Variants in CBLN2 observed in about 807,000 individuals in gnomAD.
The protein encoded by CBLN2 is cerebellin 2 precursor.
A neutral mutation model predicts 15.0 loss-of-function variants in CBLN2; 7 were observed. The ratio of observed to expected loss-of-function variants is 0.47; its 90% CI spans 0.27 to 0.88. The LOEUF is 0.88. CBLN2 is among the 40% of genes least tolerant of loss of function. The probability of loss-of-function intolerance (pLI) is 0.14; values close to 1 mark genes in which losing one functional copy is unlikely to be tolerated. For synonymous variants in CBLN2, 149 were observed against 135.2 expected, an observed-to-expected ratio of 1.10 and a Z score of -0.71; for missense variants, 242 against 304.5, an observed-to-expected ratio of 0.79 and a Z score of 1.53.
chr18:72,546,426 C>A (rs1233057078), upstream of CBLN2, among the ~76,000 whole-genome samples: 1 of 149,548 alleles, frequency 6.7e-6, no homozygotes, highest in Non-Finnish European at 1.5e-5. Context: ...GGTGACAGAG[C>A]GAGACGCTCT....
intron 1 of CBLN2, among the ~76,000 whole-genome samples, chr18:72,604,706 TAAGAAG>T (rs150975201): frequency 6.6e-6 from 1 of 152,204 alleles, no homozygotes; most frequent in African/African-American, 2.4e-5. Flanking sequence ...GGTGGCTTTA[TAAGAAG>T]AAGAAGATGA....
At position 72,542,135 on chromosome 18, in the gene CBLN2, A is replaced by C; in HGVS notation, c.26T>G (p.Leu9Arg). ...CCCGGGCATCATCAGCCGCAGCCCG[A>C]GTGGCCCCCGGCCGGGCGCCTGCAT... MQAPGRGP[L>R]GLRLMMPGRR... Residue 9 changes from leucine to arginine, a missense_variant, in exon 3 of 5, where the codon CTC (leucine) becomes CGC (arginine). By Grantham distance (102) the Leu-to-Arg change is moderately radical. This residue lies in a region of CBLN2 where 96 missense variants were observed against 83.8 expected (regional missense o/e 1.15). Transcript: ENST00000269503. 1 of 1,346,752 alleles carries C rather than the reference A, an allele frequency of 7.4e-7. No individual in the cohort carries two copies. Among genetic ancestry groups the C allele is most frequent in the Non-Finnish European group, 9.4e-7 (1 of 1,058,436 alleles). The allele number at this position is 1,346,752 out of a possible 1,614,324, so 83.4% of individuals were successfully genotyped here. A position where few individuals can be genotyped will look rare whatever the true frequency, so the allele number is the denominator to read the frequency against.
At chr18:72,621,569 A>G (rs1286177046) in intron 1 of CBLN2, among the ~76,000 whole-genome samples, 2 of 152,158 alleles carry the variant, frequency 1.3e-5, no homozygotes, top group East Asian at 1.9e-4. Flanking sequence ...TTGCCTATTC[A>G]ATTATTTTTT....
At chr18:72,599,375 T>G (rs1048462654) in intron 1 of CBLN2, among the ~76,000 whole-genome samples, 2 of 152,200 alleles carry the variant, frequency 1.3e-5, no homozygotes, top group Non-Finnish European at 2.9e-5. Context: ...CAAAAATGGA[T>G]GTACCCATAT....
rs577216776 is a variant in CBLN2, at chr18:72,611,852, C to G, written c.15+26473G>C. On this transcript the variant is annotated intron_variant, in intron 1 of 2. Transcript: ENST00000581073. ...TCTAGAATGTCTCCTAGGTTTTCTT[C>G]TAGAATTCTTATAATTTGAGGTCTC... is the stretch of plus-strand genomic sequence containing the variant. Among the ~76,000 whole-genome samples the G allele has an allele frequency of 5.9e-5, 9 of 152,232 alleles. No individual in the cohort carries two copies. In the South Asian group the frequency reaches 1.9e-3, roughly 32 times the overall value.
chr18:72,595,237 C>G (rs2069505490), intron 1 of CBLN2, among the ~76,000 whole-genome samples: 1 of 151,878 alleles, frequency 6.6e-6, no homozygotes, highest in African/African-American at 2.4e-5. Flanking sequence ...TTTCCATTTT[C>G]ATTTATTCCA....
At chr18:72,570,175 C>T (rs1045735547) in intron 1 of CBLN2, among the ~76,000 whole-genome samples, 1 of 151,940 alleles carries the variant, frequency 6.6e-6, no homozygotes, top group African/African-American at 2.4e-5. Context: ...CTGATCGATA[C>T]TTAACCTTAT....
In CBLN2 at chr18:72,544,053, T is replaced by G. The variant is rs2069139000; in HGVS notation, c.-288A>C. 2 of 151,880 alleles carry G rather than the reference T, an allele frequency of 1.3e-5. No homozygotes were observed. Among genetic ancestry groups the G allele is most frequent in the Non-Finnish European group, 2.9e-5 (2 of 68,012 alleles). 9.4% of individuals were successfully genotyped at this position (151,880 alleles called of 1,614,324 possible). On this transcript the variant is annotated 5_prime_UTR_variant, in exon 1 of 5. Coordinates refer to ENST00000269503, the MANE Select transcript of CBLN2 (RefSeq NM_182511.4). ...CCCTTAAAAGCACCGGTCGCTTCTC[T>G]TCTTTTAGATTCTTTCTTTTCTTTC... is the stretch of plus-strand genomic sequence containing the variant.
chr18:72,570,771 A>G (rs897653806), intron 1 of CBLN2, among the ~76,000 whole-genome samples: 1 of 152,162 alleles, frequency 6.6e-6, no homozygotes, highest in Non-Finnish European at 1.5e-5. Flanking sequence ...GTTTCCAGTA[A>G]GAGAGCTGCA....
intron 1 of CBLN2, among the ~76,000 whole-genome samples, chr18:72,591,908 A>G (rs2069482245): frequency 6.6e-6 from 1 of 152,186 alleles, no homozygotes; most frequent in Non-Finnish European, 1.5e-5. Context: ...GCTGATAGAC[A>G]CATAGTTTCC....
intron 1 of CBLN2, among the ~76,000 whole-genome samples, chr18:72,585,409 G>A (rs900040796): frequency 1.3e-5 from 2 of 152,150 alleles, no homozygotes; most frequent in African/African-American, 4.8e-5. Flanking sequence ...GATTTGAAGT[G>A]GGTAGCTCGT....
At chr18:72,542,406 C>G (rs1028533956) in intron 2 of CBLN2, 80 bp from the exon 3 acceptor site, 2 of 231,252 alleles carry the variant, frequency 8.6e-6, no homozygotes, top group African/African-American at 4.6e-5. Flanking sequence ...CAGGTGCCTG[C>G]GGCTCGGGGG....
chr18:72,599,179 T>A (rs1263877922), intron 1 of CBLN2, among the ~76,000 whole-genome samples: 4 of 152,222 alleles, frequency 2.6e-5, no homozygotes, highest in Non-Finnish European at 5.9e-5. Flanking sequence ...AAGCTATCAA[T>A]AAATTTTCTG....
chr18:72,562,296 A>G (rs368380144), intron 1 of CBLN2, among the ~76,000 whole-genome samples: 1 of 152,230 alleles, frequency 6.6e-6, no homozygotes, highest in Non-Finnish European at 1.5e-5. Flanking sequence ...AGGATAAAAT[A>G]TATATCAAGC....
chr18:72,578,874 C>T (rs1208064425), intron 1 of CBLN2, among the ~76,000 whole-genome samples: 2 of 152,180 alleles, frequency 1.3e-5, no homozygotes, highest in African/African-American at 4.8e-5. Flanking sequence ...ATGGAAATAA[C>T]TTTCCTTTTT....
intron 1 of CBLN2, among the ~76,000 whole-genome samples, chr18:72,627,659 G>C (rs1365237919): frequency 1.3e-5 from 2 of 152,220 alleles, no homozygotes; most frequent in African/African-American, 4.8e-5. Flanking sequence ...GAGAATAAGA[G>C]GGAGTGATCA....
intron 1 of CBLN2, among the ~76,000 whole-genome samples, chr18:72,623,549 C>T (rs1244092533): frequency 1.3e-5 from 2 of 152,162 alleles, no homozygotes; most frequent in Non-Finnish European, 2.9e-5. Flanking sequence ...TGGAAGCTGT[C>T]TCTGGATCTG....
At chr18:72,575,057 T>C (rs2069356009) in intron 1 of CBLN2, among the ~76,000 whole-genome samples, 1 of 152,048 alleles carries the variant, frequency 6.6e-6, no homozygotes. Flanking sequence ...AACGAAGTAG[T>C]TAAGGAAAGG....
At chr18:72,636,544 C>T (rs1252261599) in intron 1 of CBLN2, among the ~76,000 whole-genome samples, 2 of 152,112 alleles carry the variant, frequency 1.3e-5, no homozygotes, top group Admixed American at 6.5e-5. Context: ...TAAACATCCA[C>T]GATATGTGGA....
Sources: gnomAD v4.1 joint callset for allele counts (sites outside exome capture counted in the v4.1 genomes callset) on GRCh38, gnomAD v4.1.1 for gene constraint, gnomAD v4.1.1 regional missense constraint, MANE v1.5 for transcripts, NCBI Gene and HGNC (gene_info 2026-07-23, HGNC 2026-07-21) for gene names.